PKN2: variants seen among roughly 807,000 people sequenced by gnomAD.
The protein encoded by PKN2 is serine/threonine-protein kinase N2.
In PKN2, 38 loss-of-function variants were observed where a neutral mutation model predicts 119.1. That is an observed-to-expected ratio of 0.32 (90% confidence interval 0.25 to 0.42). The LOEUF is 0.42. Among genes scored for constraint, PKN2 ranks in the 10% least tolerant of loss-of-function variants. The pLI is 1.00. For synonymous variants in PKN2, 390 were observed against 384.9 expected, an observed-to-expected ratio of 1.01 and a Z score of -0.15; for missense variants, 850 against 1,165.1, an observed-to-expected ratio of 0.73 and a Z score of 3.94.
chr1:88,806,147 TTTTTTG>T (rs772320852), intron 12 of PKN2, 130 bp downstream of exon 12: 73 of 863,630 alleles, frequency 8.5e-5, no homozygotes, highest in East Asian at 8.3e-4. Context: ...TTTTTGTTTG[TTTTTTG>T]TTTTTGTTTT....
chr1:88,714,849 C>T lies in PKN2; in HGVS notation c.49-26139C>T, dbSNP rs146041535. ...TGAGAGAGGGCATCCCTGTCTTGTG[C>T]CAGTTTTCAAAGGGAATTCTTTCAG... is the stretch of plus-strand genomic sequence containing the variant. On this transcript the variant is annotated intron_variant, in intron 1 of 21. Coordinates refer to ENST00000370521, the MANE Select transcript of PKN2 (RefSeq NM_006256.4). Among the ~76,000 whole-genome samples, 30 of 152,230 alleles carry T rather than the reference C, an allele frequency of 2.0e-4. 1 individual carries two copies. In the East Asian group the frequency reaches 5.4e-3, roughly 27 times the overall value.
intron 8 of PKN2, among the ~76,000 whole-genome samples, chr1:88,798,703 G>A (rs945687847): frequency 6.6e-5 from 10 of 152,178 alleles, no homozygotes; most frequent in African/African-American, 1.9e-4. Context: ...ACTAACACAC[G>A]GAGTGGAGTT....
At chr1:88,730,089 C>G (rs763470517) in intron 1 of PKN2, among the ~76,000 whole-genome samples, 1 of 151,486 alleles carries the variant, frequency 6.6e-6, no homozygotes, top group Middle Eastern at 3.2e-3. Flanking sequence ...GACGTAAACC[C>G]GGGAGGCGGA....
In PKN2 at chr1:88,833,273, A is replaced by G. The variant is rs1271245559; in HGVS notation, c.2780A>G (p.Lys927Arg). Residue 927 changes from lysine to arginine, a missense_variant, in exon 22 of 22, where the codon AAA becomes AGA. Physicochemically the swap from Lys to Arg is conservative, Grantham distance 26. Around this residue, in one of 9 missense-constraint regions of PKN2, gnomAD observed 95 missense variants for 150.2 expected, o/e 0.63. Coordinates refer to ENST00000370521, the MANE Select transcript of PKN2 (RefSeq NM_006256.4). ...RLIDWSALMD[K>R]KVKPPFIPTI... ...ATTGATTGGAGCGCTCTGATGGACAAAAAAGTAAAGCCACCATTTATACCT... is the reference window on the plus strand; with the variant it reads ...ATTGATTGGAGCGCTCTGATGGACAGAAAAGTAAAGCCACCATTTATACCT... The G allele has an allele frequency of 3.1e-6, 5 of 1,613,286 alleles. No individual in the cohort carries two copies. The East Asian group carries it at 6.7e-5, about 22-fold the overall frequency.
chr1:88,726,616 G>T (rs1667908831), intron 1 of PKN2, among the ~76,000 whole-genome samples: 1 of 152,130 alleles, frequency 6.6e-6, no homozygotes, highest in Admixed American at 6.5e-5. Context: ...ATTCATGAGA[G>T]AAATTAGTTT....
intron 8 of PKN2, among the ~76,000 whole-genome samples, chr1:88,794,820 T>A (rs909788613): frequency 6.6e-6 from 1 of 152,148 alleles, no homozygotes; most frequent in African/African-American, 2.4e-5. Flanking sequence ...CTAAAACCAA[T>A]GTTACTCTGA....
At chr1:88,688,594 G>A (rs1194148268) in intron 1 of PKN2, among the ~76,000 whole-genome samples, 5 of 152,094 alleles carry the variant, frequency 3.3e-5, no homozygotes, top group African/African-American at 1.2e-4. Flanking sequence ...TTTTATTATT[G>A]TAGATACAGT....
intron 1 of PKN2, among the ~76,000 whole-genome samples, chr1:88,736,914 C>T (rs180876943): frequency 1.3e-5 from 2 of 152,290 alleles, no homozygotes; most frequent in Admixed American, 6.5e-5. Flanking sequence ...TGGAGTGTCT[C>T]TCTGGGTGTG....
chr1:88,805,847 G>T, intron 11 of PKN2, 44 bp from the exon 12 acceptor site: 1 of 1,610,312 alleles, frequency 6.2e-7, no homozygotes, highest in African/African-American at 1.3e-5. Flanking sequence ...TTAAAATACA[G>T]ACTTTCTATT....
chr1:88,719,639 A>G (rs928304018), intron 1 of PKN2, among the ~76,000 whole-genome samples: 17 of 152,132 alleles, frequency 1.1e-4, no homozygotes, highest in African/African-American at 3.6e-4. Flanking sequence ...TGTGTTTTCT[A>G]TTGTGTCTGT....
intron 2 of PKN2, among the ~76,000 whole-genome samples, chr1:88,754,962 CTT>C (rs1669142339): frequency 6.6e-6 from 1 of 152,028 alleles, no homozygotes; most frequent in Non-Finnish European, 1.5e-5. Flanking sequence ...CCCGAAAATA[CTT>C]TTTCAGTAAT....
chr1:88,819,664 G>A (rs1672162857), intron 16 of PKN2, among the ~76,000 whole-genome samples: 1 of 152,160 alleles, frequency 6.6e-6, no homozygotes, highest in South Asian at 2.1e-4. Flanking sequence ...CCATTACTGG[G>A]TATATACCCA....
chr1:88,690,395 A>G (rs1666285902), intron 1 of PKN2, among the ~76,000 whole-genome samples: 1 of 152,236 alleles, frequency 6.6e-6, no homozygotes, highest in South Asian at 2.1e-4. Context: ...TTATTCCCTC[A>G]TAAAATATAC....
In PKN2 at chr1:88,824,381, A is replaced by G; in HGVS notation, c.2414A>G (p.Lys805Arg). ...FVKIADFGLCKEGMGYGDRTS... is the reference protein window; with the variant it reads ...FVKIADFGLCREGMGYGDRTS... ...AAAATTGCTGATTTTGGTCTTTGCA[A>G]AGAAGGTAATCGAATGTTTTTAAGT... The change falls in exon 18 of 22, where the codon AAA (lysine) becomes AGA (arginine). Residue 805 changes from lysine (K) to arginine (R), a missense_variant. Transcript: ENST00000370521. 1 of 1,559,204 alleles carries G rather than the reference A, an allele frequency of 6.4e-7. No homozygotes were observed. The highest frequency in any genetic ancestry group is 8.8e-7 in the Non-Finnish European group (1 of 1,130,698).
Position 88,717,011 on chromosome 1 carries a change from A to G in PKN2, c.49-23977A>G, listed in dbSNP as rs557975890. On this transcript the variant is annotated intron_variant, in intron 1 of 21. Transcript: ENST00000370521. ...CCTGGTGGTGACAGAATCTCTCAGCATTTGCTTGTCTGTAAAGTATTTTAT... is the reference window on the plus strand; with the variant it reads ...CCTGGTGGTGACAGAATCTCTCAGCGTTTGCTTGTCTGTAAAGTATTTTAT... Among the ~76,000 whole-genome samples, 1,291 of 152,164 alleles carry G rather than the reference A, an allele frequency of 8.5e-3. 20 individuals are homozygous for G. Among genetic ancestry groups the G allele is most frequent in the African/African-American group, 0.03 (1,235 of 41,504 alleles).
chr1:88,722,744 C>A (rs1236398851), intron 1 of PKN2, among the ~76,000 whole-genome samples: 1 of 150,890 alleles, frequency 6.6e-6, no homozygotes, highest in Non-Finnish European at 1.5e-5. Flanking sequence ...GATTGTGCCA[C>A]TGCGCTCTAG....
intron 2 of PKN2, 98 bp downstream of exon 2, chr1:88,741,386 C>G: frequency 1.3e-6 from 1 of 775,158 alleles, no homozygotes; most frequent in Non-Finnish European, 1.9e-6. Context: ...TAGTTTTTAG[C>G]TTTTCTGAAA....
intron 1 of PKN2, among the ~76,000 whole-genome samples, chr1:88,693,732 G>T (rs770844408): frequency 2.0e-5 from 3 of 152,130 alleles, no homozygotes; most frequent in Non-Finnish European, 4.4e-5. Context: ...GAAAAGAAAT[G>T]ATATTGAGCG....
chr1:88,820,082 G>T (rs1672183467), intron 16 of PKN2, among the ~76,000 whole-genome samples: 2 of 150,194 alleles, frequency 1.3e-5, no homozygotes, highest in African/African-American at 4.9e-5. Context: ...CATGACACGT[G>T]AATACCTATG....
Sources: gnomAD v4.1 joint callset for allele counts (sites outside exome capture counted in the v4.1 genomes callset) on GRCh38, gnomAD v4.1.1 for gene constraint, gnomAD v4.1.1 regional missense constraint, MANE v1.5 for transcripts, NCBI Gene and HGNC (gene_info 2026-07-23, HGNC 2026-07-21) for gene names.